TAOK3: variants seen among roughly 807,000 people sequenced by gnomAD.
TAOK3 encodes TAO kinase 3, also known as serine/threonine-protein kinase TAO3.
TAOK3 carries 40 observed loss-of-function variants against 120.4 expected under a neutral mutation model. The ratio of observed to expected loss-of-function variants is 0.33; its 90% CI spans 0.26 to 0.43. The LOEUF is 0.43. Ranked by LOEUF, TAOK3 falls within the 20% of genes least tolerant of loss-of-function variation. The pLI, the probability that TAOK3 is intolerant of heterozygous loss-of-function variation, is 1.00. For synonymous variants in TAOK3, 355 were observed against 387.5 expected (o/e 0.92, Z 0.99); for missense variants, 821 against 1,112.1 (o/e 0.74, Z 3.72).
intron 3 of TAOK3, among the ~76,000 whole-genome samples, chr12:118,250,532 T>C (rs2040704674): frequency 6.6e-6 from 1 of 152,206 alleles, no homozygotes; most frequent in South Asian, 2.1e-4. Context: ...AGCATGACTA[T>C]GACTTATGAA....
Position 118,263,973 on chromosome 12 carries a change from G to A in TAOK3, c.-89+2682C>T, listed in dbSNP as rs2041338795. On this transcript the variant is annotated intron_variant, in intron 2 of 20. Coordinates refer to ENST00000392533, the MANE Select transcript of TAOK3 (RefSeq NM_016281.4). The stretch of plus-strand genomic sequence containing the variant: ...CCCAGCTACTCGGGAGGCTGAGGAA[G>A]GAGAAGTGCTTGAACCCAGGAGGTG... Among the ~76,000 whole-genome samples, 3 of 152,130 alleles carry A rather than the reference G, an allele frequency of 2.0e-5. No individual in the cohort carries two copies. The South Asian group carries it at 6.2e-4, about 31-fold the overall frequency.
At chr12:118,276,958 T>A (rs1252515743) in intron 1 of TAOK3, among the ~76,000 whole-genome samples, 1 of 152,116 alleles carries the variant, frequency 6.6e-6, no homozygotes, top group African/African-American at 2.4e-5. Flanking sequence ...TGAGCTGAGA[T>A]CACGCCACTG....
At chr12:118,280,491 G>A (rs1243873488) in intron 1 of TAOK3, among the ~76,000 whole-genome samples, 1 of 152,216 alleles carries the variant, frequency 6.6e-6, no homozygotes, top group Non-Finnish European at 1.5e-5. Context: ...CTTGGTCAAA[G>A]ATCAGATGGT....
intron 14 of TAOK3, among the ~76,000 whole-genome samples, chr12:118,188,687 A>G (rs1225325653): frequency 1.3e-5 from 2 of 152,210 alleles, no homozygotes; most frequent in Non-Finnish European, 2.9e-5. Context: ...AGAAGTAGAA[A>G]TCAGGTTTAA....
At position 118,201,102 on chromosome 12, in the gene TAOK3, C is replaced by G. The variant is rs879592782; in HGVS notation, c.987+194G>C. The G allele has an allele frequency of 1.0e-4, 52 of 513,256 alleles. 1 individual carries two copies. The Admixed American group carries it at 1.6e-3, about 16-fold the overall frequency. 31.8% of individuals were successfully genotyped at this position (513,256 alleles called of 1,614,324 possible). A position where few individuals can be genotyped will look rare whatever the true frequency, so the allele number is the denominator to read the frequency against. On this transcript the variant is annotated intron_variant, in intron 12 of 20. Transcript: ENST00000392533. ...GATGGACCCCTGCAATGGGGTTACACCTCTGTAGCACTTTTCATATTTTGC... is the reference window on the plus strand; with the variant it reads ...GATGGACCCCTGCAATGGGGTTACAGCTCTGTAGCACTTTTCATATTTTGC...
chr12:118,189,187 C>G (rs1000653896), intron 14 of TAOK3, among the ~76,000 whole-genome samples: 45 of 152,192 alleles, frequency 3.0e-4, no homozygotes, highest in African/African-American at 1.1e-3. Context: ...AGTGCAGCCA[C>G]TACCATTGTT....
chr12:118,334,151 A>G (rs1018427327), intron 1 of TAOK3, among the ~76,000 whole-genome samples: 2 of 150,854 alleles, frequency 1.3e-5, no homozygotes, highest in Admixed American at 6.6e-5. Flanking sequence ...AAAAAAAAAA[A>G]AAAAAGAAAA....
At position 118,182,623 on chromosome 12, in the gene TAOK3, A is replaced by ATATT. The variant is rs371125415; in HGVS notation, c.1330-1017_1330-1016insAATA. ...TGTATATATATATATATATATATAT[A>ATATT]TTTTTTTTTTTTTTTAAGGATCATG... On this transcript the variant is annotated intron_variant, in intron 14 of 20. Transcript: ENST00000392533. 7.5e-3 allele frequency among the ~76,000 whole-genome samples: 688 copies of ATATT among 92,342 alleles called. 13 individuals carry two copies. Among genetic ancestry groups the ATATT allele is most frequent in the African/African-American group, 0.024 (482 of 20,220 alleles). The allele number at this position is 92,342 out of a possible 152,430, so 60.6% of individuals were successfully genotyped here. A position where few individuals can be genotyped will look rare whatever the true frequency, so the allele number is the denominator to read the frequency against.
At chr12:118,217,843 A>ACACTTTTTTTTTTTTTT (rs2039006781) in intron 9 of TAOK3, among the ~76,000 whole-genome samples, 1 of 105,226 alleles carries the variant, frequency 9.5e-6, no homozygotes, top group African/African-American at 3.4e-5. Flanking sequence ...ATATATATAT[A>ACACTTTTTTTTTTTTTT]TATATATATA....
intron 1 of TAOK3, among the ~76,000 whole-genome samples, chr12:118,311,087 G>A (rs1181454131): frequency 2.6e-5 from 4 of 152,108 alleles, no homozygotes; most frequent in Non-Finnish European, 4.4e-5. Flanking sequence ...GTCCAGCAAA[G>A]GTTTATACTG....
At chr12:118,217,796 T>C (rs185999974) in intron 9 of TAOK3, among the ~76,000 whole-genome samples, 1,156 of 85,102 alleles carry the variant, frequency 0.014, 25 homozygotes, top group African/African-American at 0.05. Flanking sequence ...TGTATGTATG[T>C]ATGTGTGTGT....
In TAOK3 at chr12:118,172,678, A is replaced by G. The variant is rs759329981; in HGVS notation, c.1696-18T>C. The G allele has an allele frequency of 1.2e-6, 2 of 1,608,714 alleles. No individual in the cohort carries two copies. The highest frequency in any genetic ancestry group is 1.3e-5 in the African/African-American group (1 of 74,938). ...TTCATTTCCTAAAAAGAACAGACAA[A>G]AACCAAGCCAGCCTTACTAAATGAA... On this transcript the variant is annotated intron_variant, in intron 16 of 20. Coordinates refer to ENST00000392533, the MANE Select transcript of TAOK3 (RefSeq NM_016281.4).
At position 118,245,181 on chromosome 12, in the gene TAOK3, C is replaced by T. The variant is rs111426297; in HGVS notation, c.121-216G>A. Among the ~76,000 whole-genome samples, 1,035 of 152,232 alleles carry T rather than the reference C, an allele frequency of 6.8e-3. 8 individuals are homozygous for T. Among genetic ancestry groups the T allele is most frequent in the African/African-American group, 0.023 (962 of 41,534 alleles). ...CCAAGCAGCAGGGATTACAGGCACGCACCACCATGCCACGCTAATGTTTTT... is the reference window on the plus strand; with the variant it reads ...CCAAGCAGCAGGGATTACAGGCACGTACCACCATGCCACGCTAATGTTTTT... On this transcript the variant is annotated intron_variant, in intron 3 of 20. Coordinates refer to ENST00000392533, the MANE Select transcript of TAOK3 (RefSeq NM_016281.4).
At chr12:118,247,048 T>C in intron 3 of TAOK3, 2 of 651,382 alleles carry the variant, frequency 3.1e-6, no homozygotes, top group Non-Finnish European at 5.1e-6. Flanking sequence ...ATATCAGTGA[T>C]AATCCCTGGA....
chr12:118,323,533 C>A (rs756989826), intron 1 of TAOK3, among the ~76,000 whole-genome samples: 3 of 152,032 alleles, frequency 2.0e-5, no homozygotes, highest in Non-Finnish European at 2.9e-5. Flanking sequence ...CAAAGAAACA[C>A]TTATTAATTT....
intron 2 of TAOK3, among the ~76,000 whole-genome samples, chr12:118,263,571 A>G (rs1426595721): frequency 6.6e-6 from 1 of 152,210 alleles, no homozygotes; most frequent in Non-Finnish European, 1.5e-5. Flanking sequence ...TTGGGAGAAA[A>G]TCTTTGCAAA....
At chr12:118,336,492 A>C (rs2044372078) in intron 1 of TAOK3, among the ~76,000 whole-genome samples, 1 of 152,174 alleles carries the variant, frequency 6.6e-6, no homozygotes, top group African/African-American at 2.4e-5. Flanking sequence ...AAAACTATAA[A>C]ATATTTAGGA....
chr12:118,227,268 T>G (rs996192559), intron 9 of TAOK3, among the ~76,000 whole-genome samples: 2 of 132,406 alleles, frequency 1.5e-5, no homozygotes, highest in Admixed American at 7.3e-5. Context: ...TATAAAATTA[T>G]GTTATAATTT....
chr12:118,235,520 G>T, intron 8 of TAOK3, 38 bp downstream of exon 8: 1 of 1,536,176 alleles, frequency 6.5e-7, no homozygotes, highest in Non-Finnish European at 9.0e-7. Flanking sequence ...CATGTATGCA[G>T]ATTTTAAAAC....
Sources: gnomAD v4.1 joint callset for allele counts (sites outside exome capture counted in the v4.1 genomes callset) on GRCh38, gnomAD v4.1.1 for gene constraint, MANE v1.5 for transcripts, NCBI Gene and HGNC (gene_info 2026-07-23, HGNC 2026-07-21) for gene names.